MTRFR: variants seen among roughly 807,000 people sequenced by gnomAD.
MTRFR encodes the protein mitochondrial translation release factor in rescue, also known as probable peptide chain release factor C12orf65, mitochondrial.
In MTRFR, 10 loss-of-function variants were observed where a neutral mutation model predicts 11.9. The observed-to-expected ratio is 0.84, with a 90% confidence interval of 0.52 to 1.42. The LOEUF (loss-of-function observed/expected upper bound fraction) is 1.42, where lower values mean the gene tolerates loss of function less well. MTRFR is among the 40% of genes most tolerant of loss of function. The probability of loss-of-function intolerance (pLI) is 0.00; values close to 1 mark genes in which losing one functional copy is unlikely to be tolerated. For missense variants in MTRFR, 196 were observed against 197.9 expected, an observed-to-expected ratio of 0.99 and a Z score of 0.06; for synonymous variants, 77 against 79.1, an observed-to-expected ratio of 0.97 and a Z score of 0.14.
chr12:123,235,623 C>T (rs1331071605), intron 1 of MTRFR, among the ~76,000 whole-genome samples: 5 of 151,282 alleles, frequency 3.3e-5, no homozygotes, highest in East Asian at 2.0e-4. Flanking sequence ...CCACCTGCCT[C>T]GGCCTCCCAC....
intron 1 of MTRFR, among the ~76,000 whole-genome samples, chr12:123,245,550 T>C (rs1468263090): frequency 6.6e-6 from 1 of 152,226 alleles, no homozygotes; most frequent in Admixed American, 6.5e-5. Flanking sequence ...GTGTCATCTA[T>C]GATTCCTTTC....
intron 1 of MTRFR, among the ~76,000 whole-genome samples, chr12:123,236,396 C>A (rs1165356813): frequency 6.6e-6 from 1 of 151,730 alleles, no homozygotes; most frequent in East Asian, 1.9e-4. Flanking sequence ...GAGTTCGAGA[C>A]CTGCCTGGGC....
upstream of MTRFR, chr12:123,233,421 C>T (rs1414248219): frequency 2.6e-5 from 4 of 152,264 alleles, no homozygotes; most frequent in African/African-American, 9.6e-5. Flanking sequence ...AGAGAAACCG[C>T]GATCGGAGTA....
intron 1 of MTRFR, among the ~76,000 whole-genome samples, chr12:123,244,463 C>G (rs1191192935): frequency 1.3e-5 from 2 of 151,276 alleles, no homozygotes; most frequent in Admixed American, 6.6e-5. Flanking sequence ...AGCAGCACAT[C>G]TGTATTTAGT....
rs760991740 is a variant in MTRFR at position 123,256,994 on chromosome 12, T to C, written c.464T>C (p.Leu155Pro). 3 of 1,612,472 alleles carry C rather than the reference T, an allele frequency of 1.9e-6. No homozygotes were observed. The highest frequency in any genetic ancestry group is 2.2e-5 in the South Asian group (2 of 90,614). The change falls in exon 3 of 3, where the codon CTT becomes CCT. Residue 155 changes from leucine (L) to proline (P), a missense_variant. Transcript: ENST00000253233. ...GAAACCCTGGAAAAAAAGAAGCTAC[T>C]TAAAGAACTGTGGGAGTCAAGTAAA... ...AKETLEKKKL[L>P]KELWESSKKV...
rs1054267200 is a variant in MTRFR, at chr12:123,257,267, C to A, written c.*236C>A. On this transcript the variant is annotated 3_prime_UTR_variant, in exon 3 of 3. Coordinates refer to ENST00000253233, the MANE Select transcript of MTRFR (RefSeq NM_152269.5). The stretch of plus-strand genomic sequence containing the variant: ...CGGTGCCTCACATCTGTAATCCCAG[C>A]ACTTTGGGAGGCCGAGGCGGGCGGA... 26 of 472,992 alleles carry A rather than the reference C, an allele frequency of 5.5e-5. No individual in the cohort carries two copies. Among genetic ancestry groups the A allele is most frequent in the African/African-American group, 5.1e-4 (26 of 50,870 alleles). 29.3% of individuals were successfully genotyped at this position (472,992 alleles called of 1,614,324 possible).
At chr12:123,255,047 A>G (rs1398664655) in intron 2 of MTRFR, 1 of 152,224 alleles carries the variant, frequency 6.6e-6, no homozygotes, top group Non-Finnish European at 1.5e-5. Flanking sequence ...GGTGTTTCAT[A>G]TATAACGATA....
At chr12:123,246,014 C>T (rs1202235793) in intron 1 of MTRFR, among the ~76,000 whole-genome samples, 3 of 151,962 alleles carry the variant, frequency 2.0e-5, no homozygotes, top group African/African-American at 7.3e-5. Flanking sequence ...AACTTTTCCC[C>T]ATTGAGTATT....
At chr12:123,245,322 C>T (rs1261483224) in intron 1 of MTRFR, among the ~76,000 whole-genome samples, 2 of 152,118 alleles carry the variant, frequency 1.3e-5, no homozygotes. Flanking sequence ...TATGATGCCT[C>T]CAGATTTGTA....
At chr12:123,234,606 A>G (rs1156691994) in intron 1 of MTRFR, among the ~76,000 whole-genome samples, 1 of 152,156 alleles carries the variant, frequency 6.6e-6, no homozygotes. Context: ...CATATTGGCC[A>G]GGCTGGTCTC....
intron 2 of MTRFR, 130 bp downstream of exon 2, chr12:123,254,086 G>A (rs943521381): frequency 2.4e-5 from 27 of 1,112,876 alleles, no homozygotes; most frequent in Non-Finnish European, 2.5e-6. Context: ...CCCTCTACCA[G>A]CCAGGCAGTA....
At chr12:123,256,401 G>A (rs1278082610) in intron 2 of MTRFR, among the ~76,000 whole-genome samples, 1 of 152,188 alleles carries the variant, frequency 6.6e-6, no homozygotes, top group Non-Finnish European at 1.5e-5. Flanking sequence ...GGCAGGAAAG[G>A]GGCTGGTCTT....
chr12:123,243,391 G>A (rs1023583702), intron 1 of MTRFR, among the ~76,000 whole-genome samples: 1 of 152,174 alleles, frequency 6.6e-6, no homozygotes. Flanking sequence ...TTAGCCGGAC[G>A]TGGTGGCAGA....
At chr12:123,240,162 G>A (rs1170543666) in intron 1 of MTRFR, among the ~76,000 whole-genome samples, 2 of 148,018 alleles carry the variant, frequency 1.4e-5, no homozygotes, top group African/African-American at 5.0e-5. Flanking sequence ...TCAGGAGTTC[G>A]AGACCACCCT....
rs915893830 is a variant in MTRFR, at chr12:123,233,452, G to A, written c.-108G>A. 1 of 152,304 alleles carries A rather than the reference G, an allele frequency of 6.6e-6. No individual in the cohort carries two copies. Among genetic ancestry groups the A allele is most frequent in the Non-Finnish European group, 1.5e-5 (1 of 68,074 alleles). 9.4% of individuals were successfully genotyped at this position (152,304 alleles called of 1,614,324 possible). ...GAGTACGGCGCGTGCGCAGATCAGG[G>A]ATCGCGATTGCGAATCCTCCGCTGA... On this transcript the variant is annotated 5_prime_UTR_variant, in exon 1 of 3. Coordinates refer to ENST00000253233, the MANE Select transcript of MTRFR (RefSeq NM_152269.5).
intron 1 of MTRFR, among the ~76,000 whole-genome samples, chr12:123,236,850 G>A (rs1415624454): frequency 3.3e-5 from 5 of 151,946 alleles, no homozygotes; most frequent in African/African-American, 9.7e-5. Context: ...TTGAGAGGCC[G>A]AGGCGGGCGG....
intron 1 of MTRFR, among the ~76,000 whole-genome samples, chr12:123,253,177 G>A (rs1376208429): frequency 7.5e-6 from 1 of 133,442 alleles, no homozygotes; most frequent in African/African-American, 2.9e-5. Flanking sequence ...GAGTAGCTGG[G>A]ATTACAGGCA....
chr12:123,241,624 A>G (rs1379944285), intron 1 of MTRFR, among the ~76,000 whole-genome samples: 3 of 151,906 alleles, frequency 2.0e-5, no homozygotes, highest in Non-Finnish European at 4.4e-5. Flanking sequence ...ACAGGCACGA[A>G]CCACCATGCC....
chr12:123,253,097 T>C (rs1246448459), intron 1 of MTRFR, among the ~76,000 whole-genome samples: 1 of 108,708 alleles, frequency 9.2e-6, no homozygotes, highest in African/African-American at 3.0e-5. Context: ...TTTTTTTTTT[T>C]TTTTTTTTTT....
Sources: gnomAD v4.1 joint callset for allele counts (sites outside exome capture counted in the v4.1 genomes callset) on GRCh38, gnomAD v4.1.1 for gene constraint, MANE v1.5 for transcripts, NCBI Gene and HGNC (gene_info 2026-07-23, HGNC 2026-07-21) for gene names.